ANKRD36C: variants seen among roughly 807,000 people sequenced by gnomAD.
ANKRD36C encodes the protein ankyrin repeat domain 36C.
Under a neutral mutation model 276.4 loss-of-function variants are expected in ANKRD36C, and 61 were observed. That is an observed-to-expected ratio of 0.22 (90% CI 0.18 to 0.27). ANKRD36C has a LOEUF of 0.27. Among genes scored for constraint, ANKRD36C ranks in the 10% least tolerant of loss-of-function variants. The pLI is 1.00. For synonymous variants in ANKRD36C, 483 were observed against 680.1 expected (o/e 0.71, Z 4.51); for missense variants, 1,447 against 2,032.3 (o/e 0.71, Z 5.54).
chr2:95,870,789 A>G (rs1004462359), intron 59 of ANKRD36C, among the ~76,000 whole-genome samples: 1 of 152,184 alleles, frequency 6.6e-6, no homozygotes, highest in African/African-American at 2.4e-5. Context: ...ACGAATGTAT[A>G]CCTAGAATAA....
At chr2:95,881,076 G>A (rs1266517993) in intron 56 of ANKRD36C, among the ~76,000 whole-genome samples, 1 of 152,122 alleles carries the variant, frequency 6.6e-6, no homozygotes, top group East Asian at 1.9e-4. Flanking sequence ...AACTGAGAAG[G>A]TACACAATTA....
chr2:95,980,459 C>A (rs1288594154), intron 5 of ANKRD36C, among the ~76,000 whole-genome samples, 189 bp downstream of exon 5: 1 of 152,062 alleles, frequency 6.6e-6, no homozygotes, highest in African/African-American at 2.4e-5. Context: ...CTGCTACTTA[C>A]CTAGCCTTTT....
rs1157127663 is a variant in ANKRD36C, at chr2:95,893,449, C to T, written c.2756-1589G>A. On this transcript the variant is annotated intron_variant, in intron 44 of 66. Transcript: ENST00000456556. ...GCTGAATCAGAAAGTGCAGCTTCGACGAGCCCCCCGCTGATTTATTTGGGG... is the reference window on the plus strand; with the variant it reads ...GCTGAATCAGAAAGTGCAGCTTCGATGAGCCCCCCGCTGATTTATTTGGGG... 252 of 1,510,900 alleles carry T rather than the reference C, an allele frequency of 1.7e-4. 1 individual carries two copies. Among genetic ancestry groups the T allele is most frequent in the Middle Eastern group, 2.4e-4 (1 of 4,244 alleles). The allele number at this position is 1,510,900 out of a possible 1,614,324, so 93.6% of individuals were successfully genotyped here.
chr2:95,910,627 C>G (rs1231515823), intron 42 of ANKRD36C, 59 bp from the exon 45 acceptor site: 11 of 1,599,592 alleles, frequency 6.9e-6, no homozygotes, highest in South Asian at 2.2e-5. Flanking sequence ...GATATCCATA[C>G]ATTCATGCAG....
chr2:95,959,753 T>C (rs1678412253), intron 10 of ANKRD36C, among the ~76,000 whole-genome samples: 1 of 152,214 alleles, frequency 6.6e-6, no homozygotes, highest in African/African-American at 2.4e-5. Context: ...TTTACATTTA[T>C]CTCATTTGAC....
intron 63 of ANKRD36C, 36 bp downstream of exon 83, chr2:95,855,230 G>A (rs1221693586): frequency 6.6e-7 from 1 of 1,506,136 alleles, no homozygotes; most frequent in Non-Finnish European, 8.8e-7. Context: ...TTTACTTCAG[G>A]AAGTTTGAAA....
At position 95,897,102 on chromosome 2, in the gene ANKRD36C, C is replaced by G. The variant is rs1363611607; in HGVS notation, c.2755+2043G>C. Among the ~76,000 whole-genome samples the G allele has an allele frequency of 3.3e-5, 5 of 150,470 alleles. No homozygotes were observed. The South Asian group carries it at 1.0e-3, about 31-fold the overall frequency. ...ATAATCTTACGGCGAAGATCACGTT[C>G]CAGACCAGCAGCATCATCATCACCC... is the stretch of plus-strand genomic sequence containing the variant. On this transcript the variant is annotated intron_variant, in intron 44 of 66. Transcript: ENST00000456556.
chr2:95,858,152 GC>G (rs1675466772), intron 61 of ANKRD36C, among the ~76,000 whole-genome samples: 13 of 151,632 alleles, frequency 8.6e-5, no homozygotes, highest in Middle Eastern at 3.4e-3. Context: ...AAACCAAGCT[GC>G]GACCCAACCA....
At chr2:95,862,039 A>G (rs2104273564) in intron 60 of ANKRD36C, among the ~76,000 whole-genome samples, 1 of 152,254 alleles carries the variant, frequency 6.6e-6, no homozygotes, top group Admixed American at 6.5e-5. Flanking sequence ...AATCAACAAA[A>G]CATAACAATC....
At chr2:95,921,907 T>C (rs980331422) in intron 32 of ANKRD36C, 97 bp from the exon 33 acceptor site, 26 of 1,298,800 alleles carry the variant, frequency 2.0e-5, no homozygotes, top group African/African-American at 4.5e-5. Context: ...CCTGCCTGTA[T>C]TAGTGTAGGC....
In ANKRD36C at chr2:95,915,904, C is replaced by A. The variant is rs537225075; in HGVS notation, c.2449+76G>T. On this transcript the variant is annotated intron_variant, in intron 38 of 66. Coordinates refer to ENST00000456556, the Ensembl canonical transcript of ANKRD36C. ...ATCAGAATGTGCAGCTTCGACCAGC[C>A]CCCCACTGATTTATTCGGGGAAGAG... 1,903 of 1,494,574 alleles carry A rather than the reference C, an allele frequency of 1.3e-3. 44 individuals carry two copies. The East Asian group carries it at 0.039, about 31-fold the overall frequency. 92.6% of individuals were successfully genotyped at this position (1,494,574 alleles called of 1,614,324 possible). A position where few individuals can be genotyped will look rare whatever the true frequency, so the allele number is the denominator to read the frequency against.
At chr2:95,987,154 G>A (rs757756409) in exon 2 of ANKRD36C, 1 of 1,550,198 alleles carries the variant, frequency 6.5e-7, no homozygotes, top group South Asian at 1.2e-5. Flanking sequence ...CTGGACACCA[G>A]GAGATGTACC....
chr2:95,876,163 CTTT>C (rs1675948505), intron 59 of ANKRD36C, among the ~76,000 whole-genome samples: 2 of 151,600 alleles, frequency 1.3e-5, no homozygotes, highest in South Asian at 4.2e-4. Flanking sequence ...ATGTTACCTT[CTTT>C]ATTATAATAG....
chr2:95,971,397 T>TG (rs527356696), intron 6 of ANKRD36C, among the ~76,000 whole-genome samples: 12 of 147,744 alleles, frequency 8.1e-5, no homozygotes, highest in Non-Finnish European at 1.8e-4. Flanking sequence ...ATATTGATAA[T>TG]GGGGGGAGCT....
At chr2:95,953,355 A>G (rs1331898708) in intron 14 of ANKRD36C, among the ~76,000 whole-genome samples, 3 of 152,108 alleles carry the variant, frequency 2.0e-5, no homozygotes. Context: ...GGCACATGAT[A>G]CCATGTCTAG....
At chr2:95,853,306 A>G (rs1319888784) in intron 64 of ANKRD36C, 2 of 161,948 alleles carry the variant, frequency 1.2e-5, no homozygotes, top group African/African-American at 4.8e-5. Flanking sequence ...GAAACATTCC[A>G]TTAGACATTA....
At chr2:95,943,563 A>T (rs1558650105) in intron 19 of ANKRD36C, among the ~76,000 whole-genome samples, 2 of 150,782 alleles carry the variant, frequency 1.3e-5, no homozygotes, top group Non-Finnish European at 3.0e-5. Flanking sequence ...TTATTATTTA[A>T]TTATTTATTT....
Position 95,978,206 on chromosome 2 carries a change from A to G in ANKRD36C, c.732-17T>C, listed in dbSNP as rs965672393. The G allele has an allele frequency of 2.5e-6, 2 of 812,154 alleles. No individual in the cohort carries two copies. Among genetic ancestry groups the G allele is most frequent in the African/African-American group, 3.5e-5 (2 of 56,758 alleles). 50.3% of individuals were successfully genotyped at this position (812,154 alleles called of 1,614,324 possible). A position where few individuals can be genotyped will look rare whatever the true frequency, so the allele number is the denominator to read the frequency against. Reference sequence around the variant, plus strand: ...TCAAAAATGCTATGCATAAAAATAAATGAAATTAATATTTTAATACTATTA... The same window carrying G: ...TCAAAAATGCTATGCATAAAAATAAGTGAAATTAATATTTTAATACTATTA... On this transcript the variant is annotated splice_polypyrimidine_tract_variant and intron_variant, in intron 5 of 66. Transcript: ENST00000456556.
rs763907139 is a variant in ANKRD36C, at chr2:95,856,002, C to T, written c.4259G>A (p.Arg1420Gln). 8 of 1,612,602 alleles carry T rather than the reference C, an allele frequency of 5.0e-6. No individual in the cohort carries two copies. In the South Asian group the frequency reaches 6.6e-5, roughly 13 times the overall value. The change falls in exon 63 of 67, where the codon CGG (arginine) becomes CAG (glutamine). Residue 1420 changes from arginine to glutamine, a missense_variant. This residue lies in a region of ANKRD36C where 437 missense variants were observed against 641.0 expected (regional missense o/e 0.68). Coordinates refer to ENST00000456556, the Ensembl canonical transcript of ANKRD36C. ...CGTTTCTGCTAATGTTTCCTCATTC[C>T]GTTTTAGAGCCTTTTGAAGGTCTTC... is the stretch of plus-strand genomic sequence containing the variant.
Sources: gnomAD v4.1 joint callset for allele counts (sites outside exome capture counted in the v4.1 genomes callset) on GRCh38, gnomAD v4.1.1 for gene constraint, gnomAD v4.1.1 regional missense constraint, MANE v1.5 for transcripts, NCBI Gene and HGNC (gene_info 2026-07-23, HGNC 2026-07-21) for gene names.